Variants in RAB38 observed in about 807,000 individuals in gnomAD.
RAB38 encodes ras-related protein Rab-38.
A neutral mutation model predicts 18.4 loss-of-function variants in RAB38; 15 were observed. The ratio of observed to expected loss-of-function variants is 0.82; its 90% CI spans 0.55 to 1.26. The LOEUF is 1.26. RAB38 is among the 50% of genes most tolerant of loss of function. The pLI is 0.00. For missense variants in RAB38, 294 were observed against 267.4 expected, an observed-to-expected ratio of 1.10 and a Z score of -0.69; for synonymous variants, 101 against 104.4, an observed-to-expected ratio of 0.97 and a Z score of 0.20.
the RAB38 span, among the ~76,000 whole-genome samples, chr11:87,941,930 A>G: frequency 6.6e-6 from 1 of 152,120 alleles, no homozygotes; most frequent in Non-Finnish European, 1.5e-5. Flanking sequence ...ATCATCCCTG[A>G]AGGGAGTGCC....
chr11:87,976,431 C>T, the RAB38 span, among the ~76,000 whole-genome samples: 85,199 of 132,504 alleles, frequency 0.64, 27,041 homozygotes, highest in East Asian at 0.73. Flanking sequence ...ATATATTATG[C>T]ATTTATATTT....
the RAB38 span, among the ~76,000 whole-genome samples, chr11:87,952,887 C>T: frequency 6.6e-6 from 1 of 152,094 alleles, no homozygotes; most frequent in African/African-American, 2.4e-5. Context: ...ATCATAAGCT[C>T]ATCAGTCTGA....
chr11:88,015,417 T>C, the RAB38 span, among the ~76,000 whole-genome samples: 1 of 152,156 alleles, frequency 6.6e-6, no homozygotes, highest in African/African-American at 2.4e-5. Context: ...GCAAGTTTTC[T>C]GAATCTGTCT....
the RAB38 span, among the ~76,000 whole-genome samples, chr11:87,940,166 C>CAA: frequency 0.077 from 9,862 of 127,334 alleles, 417 homozygotes; most frequent in East Asian, 0.19. Flanking sequence ...CCAGATAATA[C>CAA]AAAAAAAAAA....
At chr11:87,945,418 T>A in the RAB38 span, among the ~76,000 whole-genome samples, 1 of 152,264 alleles carries the variant, frequency 6.6e-6, no homozygotes, top group African/African-American at 2.4e-5. Flanking sequence ...CAGATTTTAC[T>A]GAAATGGAGC....
chr11:87,836,731 T>G, the RAB38 span, among the ~76,000 whole-genome samples: 6 of 152,208 alleles, frequency 3.9e-5, no homozygotes, highest in Non-Finnish European at 8.8e-5. Flanking sequence ...AGTTCTTGAC[T>G]ATCTCTCTAG....
the RAB38 span, among the ~76,000 whole-genome samples, chr11:87,953,880 TTGTC>T: frequency 2.1e-3 from 325 of 152,260 alleles, 5 homozygotes; most frequent in Admixed American, 0.016. Flanking sequence ...CATTTACTAT[TTGTC>T]AGGTTGAACA....
In RAB38 at chr11:88,175,289, C is replaced by A. The variant is rs761058087; in HGVS notation, c.96G>T (p.Gln32His). Residue 32 changes from glutamine to histidine, a missense_variant, in exon 1 of 3, where the codon CAG (glutamine) becomes CAT (histidine). Gln to His is a conservative substitution (Grantham distance 24). Coordinates refer to ENST00000243662, the MANE Select transcript of RAB38 (RefSeq NM_022337.3). ...TGGCCCGGTAGTGCGAAGAGAAGTTCTGGTGCACGTAGCGCTTGATGATAC... is the reference window on the plus strand; with the variant it reads ...TGGCCCGGTAGTGCGAAGAGAAGTTATGGTGCACGTAGCGCTTGATGATAC... ...KTSIIKRYVH[Q>H]NFSSHYRATI... The A allele has an allele frequency of 6.2e-7, 1 of 1,614,228 alleles. No individual in the cohort carries two copies. Among genetic ancestry groups the A allele is most frequent in the Non-Finnish European group, 8.5e-7 (1 of 1,180,024 alleles).
chr11:88,102,482 A>G, the RAB38 span, among the ~76,000 whole-genome samples: 2 of 151,990 alleles, frequency 1.3e-5, no homozygotes, highest in Non-Finnish European at 2.9e-5. Context: ...ATTGCACACA[A>G]TTTCTGTTGA....
At chr11:87,971,685 T>G in the RAB38 span, among the ~76,000 whole-genome samples, 1 of 152,122 alleles carries the variant, frequency 6.6e-6, no homozygotes, top group African/African-American at 2.4e-5. Context: ...GACAGAGGCA[T>G]AACCAGGTTC....
the RAB38 span, among the ~76,000 whole-genome samples, chr11:87,821,907 CATTATA>C: frequency 2.0e-5 from 3 of 148,480 alleles, no homozygotes; most frequent in African/African-American, 7.4e-5. Flanking sequence ...AGGTGAAATA[CATTATA>C]ATAATATTAT....
At chr11:87,977,797 ATT>A in the RAB38 span, among the ~76,000 whole-genome samples, 2 of 115,090 alleles carry the variant, frequency 1.7e-5, no homozygotes, top group African/African-American at 3.4e-5. Context: ...AGTTATATAT[ATT>A]ATAGAGTTAT....
chr11:88,067,928 T>C, the RAB38 span, among the ~76,000 whole-genome samples: 31 of 148,772 alleles, frequency 2.1e-4, no homozygotes, highest in African/African-American at 6.4e-4. Flanking sequence ...TATATATATA[T>C]ACACACACAC....
At chr11:88,085,871 G>GGAGAA in the RAB38 span, among the ~76,000 whole-genome samples, 1 of 151,890 alleles carries the variant, frequency 6.6e-6, no homozygotes, top group Non-Finnish European at 1.5e-5. Flanking sequence ...CTTTACAGAA[G>GGAGAA]GAGAAGAGTT....
the RAB38 span, among the ~76,000 whole-genome samples, chr11:87,953,120 A>C: frequency 6.6e-6 from 1 of 152,218 alleles, no homozygotes; most frequent in East Asian, 1.9e-4. Context: ...ATAAATATTT[A>C]CTATGTGACC....
At chr11:87,829,706 G>T in the RAB38 span, among the ~76,000 whole-genome samples, 1 of 152,050 alleles carries the variant, frequency 6.6e-6, no homozygotes, top group Non-Finnish European at 1.5e-5. Flanking sequence ...TAAAATACAA[G>T]TTTAAATTAT....
chr11:87,808,357 A>C, the RAB38 span, among the ~76,000 whole-genome samples: 1 of 152,250 alleles, frequency 6.6e-6, no homozygotes, highest in South Asian at 2.1e-4. Context: ...GTATATATAC[A>C]ATGAAATACT....
At chr11:88,154,035 G>A (rs997532026) in intron 1 of RAB38, among the ~76,000 whole-genome samples, 3 of 152,174 alleles carry the variant, frequency 2.0e-5, no homozygotes, top group Non-Finnish European at 2.9e-5. Flanking sequence ...AGTGAGAGAA[G>A]CTCAGGTATG....
intron 2 of RAB38, among the ~76,000 whole-genome samples, chr11:88,142,649 G>A (rs528780726): frequency 6.2e-4 from 95 of 152,304 alleles, no homozygotes; most frequent in Middle Eastern, 6.8e-3. Context: ...GAAGACTCCT[G>A]AAGCCAGGAT....
Sources: gnomAD v4.1 joint callset for allele counts (sites outside exome capture counted in the v4.1 genomes callset) on GRCh38, gnomAD v4.1.1 for gene constraint, MANE v1.5 for transcripts, NCBI Gene and HGNC (gene_info 2026-07-23, HGNC 2026-07-21) for gene names.